Variants in HIVEP3 observed in about 807,000 individuals in gnomAD.
HIVEP3 encodes the protein transcription factor HIVEP3.
A neutral mutation model predicts 152.8 loss-of-function variants in HIVEP3; 49 were observed. That is an observed-to-expected ratio of 0.32 (90% CI 0.26 to 0.41). The LOEUF (loss-of-function observed/expected upper bound fraction) is 0.41. HIVEP3 is among the 10% of genes least tolerant of loss of function. The probability of loss-of-function intolerance (pLI) is 1.00; values close to 1 mark genes in which losing one functional copy is unlikely to be tolerated. For missense variants in HIVEP3, 2,790 were observed against 3,103.3 expected, an observed-to-expected ratio of 0.90 and a Z score of 2.40; for synonymous variants, 1,269 against 1,289.0, an observed-to-expected ratio of 0.98 and a Z score of 0.33.
At chr1:41,700,397 G>T (rs562524477) in intron 2 of HIVEP3, among the ~76,000 whole-genome samples, 1 of 152,148 alleles carries the variant, frequency 6.6e-6, no homozygotes, top group African/African-American at 2.4e-5. Flanking sequence ...AAATGCACAC[G>T]TACACATATA....
At position 41,628,795 on chromosome 1, in the gene HIVEP3, C is replaced by G; in HGVS notation, c.-568G>C. The stretch of plus-strand genomic sequence containing the variant: ...CGATGACCAAAACTGAAACGCTGTT[C>G]TCTCTGAAAGCCAGCATTCATGTCC... On this transcript the variant is annotated 5_prime_UTR_variant, in exon 3 of 9. Coordinates refer to ENST00000372583, the MANE Select transcript of HIVEP3 (RefSeq NM_024503.5). The G allele has an allele frequency of 8.1e-7, 1 of 1,232,052 alleles. No homozygotes were observed. Among genetic ancestry groups the G allele is most frequent in the Non-Finnish European group, 1.0e-6 (1 of 987,962 alleles). 76.3% of individuals were successfully genotyped at this position (1,232,052 alleles called of 1,614,324 possible).
chr1:41,636,775 A>G (rs750777828), intron 2 of HIVEP3, among the ~76,000 whole-genome samples: 23 of 152,230 alleles, frequency 1.5e-4, no homozygotes, highest in Non-Finnish European at 2.6e-4. Flanking sequence ...CCTGTCCAAC[A>G]TGGTGAAACC....
chr1:41,773,948 T>C (rs1648531465), intron 1 of HIVEP3, among the ~76,000 whole-genome samples: 1 of 152,270 alleles, frequency 6.6e-6, no homozygotes, highest in African/African-American at 2.4e-5. Flanking sequence ...ACAAAATCAA[T>C]GCTACTGGCA....
At chr1:41,871,232 A>G (rs1644073243) in intron 1 of HIVEP3, among the ~76,000 whole-genome samples, 1 of 152,206 alleles carries the variant, frequency 6.6e-6, no homozygotes, top group Non-Finnish European at 1.5e-5. Context: ...AGAGGTGATG[A>G]TGCCTTATCC....
At position 41,873,406 on chromosome 1, in the gene HIVEP3, C is replaced by T. The variant is rs1433085456; in HGVS notation, c.-801+45007G>A. 1.3e-5 allele frequency among the ~76,000 whole-genome samples: 2 copies of T among 152,212 alleles called. No individual in the cohort carries two copies. Among genetic ancestry groups the T allele is most frequent in the Non-Finnish European group, 1.5e-5 (1 of 68,042 alleles). ...TTTTAGAATTTGGGGGATCCCGGCA[C>T]CCACTGTTCTCAGCTTTGGGCCTCA... On this transcript the variant is annotated intron_variant, in intron 1 of 8. Coordinates refer to ENST00000372583, the MANE Select transcript of HIVEP3 (RefSeq NM_024503.5). This position sits in a 1 kb window ranked among gnomAD's most constrained non-coding sequence, Gnocchi z 4.2.
At chr1:41,955,924 G>A (rs920907273) in intron 1 of HIVEP3, among the ~76,000 whole-genome samples, 1 of 152,204 alleles carries the variant, frequency 6.6e-6, no homozygotes, top group Non-Finnish European at 1.5e-5. Context: ...GAAATTGAAG[G>A]AAAAATCTGG....
chr1:41,888,440 T>C (rs2993123), intron 1 of HIVEP3, among the ~76,000 whole-genome samples: 51,858 of 151,108 alleles, frequency 0.34, 9,864 homozygotes, highest in African/African-American at 0.52. Context: ...GTGGCCGATA[T>C]GTGAGGAGAG....
intron 1 of HIVEP3, among the ~76,000 whole-genome samples, chr1:41,723,854 CTT>C (rs1316764292): frequency 2.6e-5 from 4 of 152,162 alleles, no homozygotes; most frequent in Admixed American, 1.3e-4. Context: ...TCATAGGTTT[CTT>C]CTGGTCAAGG....
chr1:42,031,253 G>C (rs2886564), intron 1 of HIVEP3, among the ~76,000 whole-genome samples: 2 of 151,960 alleles, frequency 1.3e-5, no homozygotes, highest in Non-Finnish European at 2.9e-5. Flanking sequence ...GTTCCAGACT[G>C]CTCTGCTGAA....
chr1:41,827,291 A>G (rs528025459), intron 1 of HIVEP3, among the ~76,000 whole-genome samples: 10 of 152,286 alleles, frequency 6.6e-5, no homozygotes, highest in African/African-American at 1.7e-4. Flanking sequence ...GGCATCACCT[A>G]AAACCTAAAA....
chr1:41,846,324 C>A (rs1643443191), intron 1 of HIVEP3, among the ~76,000 whole-genome samples: 1 of 152,136 alleles, frequency 6.6e-6, no homozygotes. Context: ...TGAATTAATG[C>A]AAATTTCCCT....
At chr1:41,524,700 G>T in intron 6 of HIVEP3, 35 bp downstream of exon 6, 2 of 1,582,290 alleles carry the variant, frequency 1.3e-6, no homozygotes, top group South Asian at 1.1e-5. Context: ...TCCCTGCAGC[G>T]GGCAGGGGCA....
intron 4 of HIVEP3, among the ~76,000 whole-genome samples, chr1:41,576,414 C>A (rs1020831778): frequency 6.6e-6 from 1 of 152,228 alleles, no homozygotes; most frequent in East Asian, 1.9e-4. Context: ...CTGGCATTGG[C>A]TTTGTGCTTC....
At chr1:41,781,068 G>C (rs1432659692) in intron 1 of HIVEP3, among the ~76,000 whole-genome samples, 1 of 152,178 alleles carries the variant, frequency 6.6e-6, no homozygotes. Context: ...AAACAAACAG[G>C]GTTGTGCAGT....
At chr1:41,794,217 A>G (rs764009512) in intron 1 of HIVEP3, among the ~76,000 whole-genome samples, 1 of 152,232 alleles carries the variant, frequency 6.6e-6, no homozygotes, top group Non-Finnish European at 1.5e-5. Flanking sequence ...AGCAGGCAAG[A>G]GAGTTTGTGC....
At chr1:41,542,083 G>A (rs1244121452) in intron 5 of HIVEP3, 2 of 152,242 alleles carry the variant, frequency 1.3e-5, no homozygotes, top group Non-Finnish European at 2.9e-5. Flanking sequence ...ATTACAGTCA[G>A]ATTCATTCTT....
intron 2 of HIVEP3, among the ~76,000 whole-genome samples, chr1:41,679,993 A>G (rs1048304511): frequency 6.6e-6 from 1 of 151,902 alleles, no homozygotes; most frequent in Non-Finnish European, 1.5e-5. Context: ...ACAGCCACCC[A>G]CTCCATGACT....
At chr1:41,613,731 GT>G (rs1644929262) in intron 3 of HIVEP3, among the ~76,000 whole-genome samples, 2 of 152,296 alleles carry the variant, frequency 1.3e-5, no homozygotes, top group African/African-American at 4.8e-5. Context: ...TCACAGGGTT[GT>G]GCAACCATCC....
chr1:41,731,386 A>C (rs558325792), intron 1 of HIVEP3, among the ~76,000 whole-genome samples: 5 of 152,324 alleles, frequency 3.3e-5, no homozygotes, highest in Non-Finnish European at 5.9e-5. Context: ...CTCAACACTC[A>C]GGGTGAGCAG....
Sources: gnomAD v4.1 joint callset for allele counts (sites outside exome capture counted in the v4.1 genomes callset) on GRCh38, gnomAD v4.1.1 for gene constraint, Gnocchi (gnomAD v3.1) non-coding constraint, MANE v1.5 for transcripts, NCBI Gene and HGNC (gene_info 2026-07-23, HGNC 2026-07-21) for gene names.